The following DPP6 variants were observed in gnomAD, a reference collection of about 807,000 sequenced individuals.
DPP6 encodes the protein A-type potassium channel modulatory protein DPP6.
In DPP6, 69 loss-of-function variants were observed where a neutral mutation model predicts 122.6. The observed-to-expected ratio is 0.56, with a 90% CI of 0.46 to 0.69. The LOEUF is 0.69. Among genes scored for constraint, DPP6 ranks in the 30% least tolerant of loss-of-function variants. DPP6 has a pLI of 0.00. For missense variants in DPP6, 928 were observed against 1,116.9 expected (o/e 0.83, Z 2.41); for synonymous variants, 418 against 433.1 (o/e 0.97, Z 0.43).
chr7:153,775,954 CTTTG>C, the DPP6 span, among the ~76,000 whole-genome samples: 13 of 152,102 alleles, frequency 8.5e-5, no homozygotes, highest in South Asian at 6.2e-4. Context: ...ATACTGTTTT[CTTTG>C]TTTGGGAGAT....
chr7:154,347,329 T>C (rs1166841451), intron 1 of DPP6, among the ~76,000 whole-genome samples: 4 of 152,220 alleles, frequency 2.6e-5, no homozygotes, highest in Admixed American at 1.3e-4. Flanking sequence ...TGAAACTGTT[T>C]GTTTGCAAAA....
At chr7:154,681,518 A>G (rs895037771) in intron 7 of DPP6, among the ~76,000 whole-genome samples, 1 of 152,200 alleles carries the variant, frequency 6.6e-6, no homozygotes, top group Admixed American at 6.5e-5. Context: ...ACTTGCGGCC[A>G]TGGCAGATCC....
chr7:154,891,602 T>C (rs1806614870), intron 25 of DPP6, among the ~76,000 whole-genome samples: 1 of 152,064 alleles, frequency 6.6e-6, no homozygotes, highest in African/African-American at 2.4e-5. Flanking sequence ...CACGGGAGTT[T>C]CCCACACTCA....
chr7:153,957,687 C>T (rs1034637425), intron 1 of DPP6, among the ~76,000 whole-genome samples: 2 of 152,208 alleles, frequency 1.3e-5, no homozygotes, highest in Admixed American at 6.5e-5. Flanking sequence ...TCATCCTACT[C>T]TCCACTCTCT....
chr7:154,818,660 A>G (rs1279599830), intron 16 of DPP6, among the ~76,000 whole-genome samples: 1 of 152,214 alleles, frequency 6.6e-6, no homozygotes, highest in Non-Finnish European at 1.5e-5. Context: ...CATCTCTTAT[A>G]TCAAAATTTC....
intron 1 of DPP6, among the ~76,000 whole-genome samples, chr7:153,989,172 C>T (rs1329463907): frequency 7.1e-6 from 1 of 140,914 alleles, no homozygotes; most frequent in South Asian, 2.6e-4. Flanking sequence ...TGAGCGTGTG[C>T]GGGAGAGGGT....
At chr7:154,304,167 A>T (rs1197419809) in intron 1 of DPP6, among the ~76,000 whole-genome samples, 1 of 152,194 alleles carries the variant, frequency 6.6e-6, no homozygotes, top group African/African-American at 2.4e-5. Context: ...CCAATGGGTG[A>T]AAGTAGAGGT....
chr7:154,885,323 GA>G, intron 21 of DPP6: 1 of 275,856 alleles, frequency 3.6e-6, no homozygotes, highest in Non-Finnish European at 6.9e-6. Flanking sequence ...CGCTGAGCCT[GA>G]AGGACAGCAC....
rs1009205775 is a variant in DPP6, at chr7:154,403,980, G to A, written c.244-42234G>A. On this transcript the variant is annotated intron_variant, in intron 1 of 25. Coordinates refer to ENST00000377770, the MANE Select transcript of DPP6 (RefSeq NM_130797.4). The surrounding 1 kb of genome is among the most constrained non-coding windows in gnomAD (Gnocchi z 4.1). ...TCTTTTGTTGAAAAAAGTTAATCTT[G>A]TTTTCCAAAGGGCCACAGGAGGATA... Among the ~76,000 whole-genome samples the A allele has an allele frequency of 2.0e-5, 3 of 152,158 alleles. No homozygotes were observed. Among genetic ancestry groups the A allele is most frequent in the Non-Finnish European group, 4.4e-5 (3 of 68,024 alleles).
chr7:153,958,193 C>T (rs1177397070), intron 1 of DPP6, among the ~76,000 whole-genome samples: 8 of 152,054 alleles, frequency 5.3e-5, no homozygotes, highest in Non-Finnish European at 1.2e-4. Flanking sequence ...AGCAGATAGA[C>T]CACAAAATAG....
At chr7:154,844,922 AG>A (rs1331682517) in intron 16 of DPP6, among the ~76,000 whole-genome samples, 4 of 152,204 alleles carry the variant, frequency 2.6e-5, no homozygotes, top group African/African-American at 9.7e-5. Flanking sequence ...CTTCACAAAC[AG>A]AATATAATTC....
chr7:154,243,597 C>A (rs1585723238), intron 1 of DPP6, among the ~76,000 whole-genome samples: 1 of 152,124 alleles, frequency 6.6e-6, no homozygotes, highest in African/African-American at 2.4e-5. Context: ...AGATTGAGAC[C>A]ATCCTGGCTA....
intron 2 of DPP6, 115 bp from the exon 3 acceptor site, chr7:154,474,824 A>G (rs1426843454): frequency 9.5e-6 from 7 of 734,928 alleles, no homozygotes; most frequent in Non-Finnish European, 1.6e-5. Flanking sequence ...TCACTTATGG[A>G]CGTCATGTGT....
intron 10 of DPP6, among the ~76,000 whole-genome samples, chr7:154,783,593 A>G (rs570012395): frequency 6.6e-6 from 1 of 152,232 alleles, no homozygotes; most frequent in South Asian, 2.1e-4. Context: ...ACCTGTTCTC[A>G]TGACTGTGCC....
chr7:154,862,219 G>A (rs549794102), intron 17 of DPP6, among the ~76,000 whole-genome samples: 31 of 152,280 alleles, frequency 2.0e-4, no homozygotes, highest in South Asian at 1.0e-3. Flanking sequence ...CCCTCGTGAC[G>A]CCTGTGTCAG....
chr7:154,177,635 G>T (rs1427105639), intron 1 of DPP6, among the ~76,000 whole-genome samples: 1 of 152,126 alleles, frequency 6.6e-6, no homozygotes. Context: ...AGAGTATTTT[G>T]TTCCTTTACG....
At chr7:154,670,234 C>T (rs3778722) in intron 7 of DPP6, among the ~76,000 whole-genome samples, 91,339 of 152,002 alleles carry the variant, frequency 0.6, 28,060 homozygotes, top group Admixed American at 0.68. Flanking sequence ...ACATGCAAAA[C>T]CCCCCGTGGT....
chr7:154,173,548 G>C (rs963495709), intron 1 of DPP6, among the ~76,000 whole-genome samples: 14 of 151,892 alleles, frequency 9.2e-5, no homozygotes, highest in African/African-American at 3.4e-4. Flanking sequence ...TTCTCTCTCT[G>C]TTTCCTCCCC....
intron 3 of DPP6, among the ~76,000 whole-genome samples, chr7:154,512,671 A>G (rs986104919): frequency 2.0e-5 from 3 of 151,654 alleles, no homozygotes; most frequent in Admixed American, 6.6e-5. Context: ...CACACACTAC[A>G]AAGTGGAAAT....
Sources: allele counts gnomAD v4.1 joint callset (sites outside exome capture counted in the v4.1 genomes callset), GRCh38; gene constraint gnomAD v4.1.1; non-coding constraint Gnocchi (gnomAD v3.1); transcripts MANE v1.5; gene names NCBI Gene and HGNC (gene_info 2026-07-23, HGNC 2026-07-21).